Variants in CSMD1 observed in about 807,000 individuals in gnomAD.
CSMD1 encodes the protein CUB and sushi domain-containing protein 1.
CSMD1 carries 213 observed loss-of-function variants against 417.5 expected under a neutral mutation model. The observed-to-expected ratio is 0.51, with a 90% CI of 0.46 to 0.57. The LOEUF (loss-of-function observed/expected upper bound fraction) is 0.57. Among genes scored for constraint, CSMD1 ranks in the 20% least tolerant of loss-of-function variants. The probability of loss-of-function intolerance (pLI) is 0.00; values close to 1 mark genes in which losing one functional copy is unlikely to be tolerated. For synonymous variants in CSMD1, 2,862 were observed against 1,736.8 expected, an observed-to-expected ratio of 1.65 and a Z score of -16.11; for missense variants, 6,923 against 4,529.7, an observed-to-expected ratio of 1.53 and a Z score of -15.17.
intron 3 of CSMD1, among the ~76,000 whole-genome samples, chr8:4,417,371 T>C (rs1371476668): frequency 1.3e-5 from 2 of 152,030 alleles, no homozygotes; most frequent in African/African-American, 4.8e-5. Flanking sequence ...TTGAGTTTGG[T>C]GTCCGGATTA....
At chr8:3,897,246 G>C (rs1159770817) in intron 5 of CSMD1, among the ~76,000 whole-genome samples, 2 of 152,168 alleles carry the variant, frequency 1.3e-5, no homozygotes, top group African/African-American at 2.4e-5. Flanking sequence ...CCTTTCTACA[G>C]AGACAACGGT....
At chr8:4,280,297 T>C (rs1396857174) in intron 3 of CSMD1, among the ~76,000 whole-genome samples, 1 of 152,206 alleles carries the variant, frequency 6.6e-6, no homozygotes, top group African/African-American at 2.4e-5. Context: ...ATGTAGTATA[T>C]AATAAGCTTT....
intron 16 of CSMD1, among the ~76,000 whole-genome samples, chr8:3,398,993 GC>G (rs1811871560): frequency 6.6e-6 from 1 of 152,152 alleles, no homozygotes; most frequent in Admixed American, 6.5e-5. Context: ...GTGACCAGCA[GC>G]CACCACCAGA....
At chr8:3,474,459 C>G (rs1278973327) in intron 11 of CSMD1, among the ~76,000 whole-genome samples, 1 of 152,112 alleles carries the variant, frequency 6.6e-6, no homozygotes, top group Non-Finnish European at 1.5e-5. Context: ...CTATGAATGT[C>G]ACTCATCCAT....
chr8:4,138,754 T>C (rs1335404475), intron 3 of CSMD1, among the ~76,000 whole-genome samples: 4 of 152,206 alleles, frequency 2.6e-5, no homozygotes, highest in Non-Finnish European at 4.4e-5. Flanking sequence ...CTAAACCAAC[T>C]AGTTATCTTT....
chr8:4,140,653 G>A (rs1286778595), intron 3 of CSMD1, among the ~76,000 whole-genome samples: 4 of 150,890 alleles, frequency 2.7e-5, no homozygotes, highest in African/African-American at 9.9e-5. Context: ...GGGCAACAGA[G>A]CAAGACCCTG....
At chr8:4,333,158 C>T (rs1223915924) in intron 3 of CSMD1, among the ~76,000 whole-genome samples, 1 of 152,026 alleles carries the variant, frequency 6.6e-6, no homozygotes, top group African/African-American at 2.4e-5. Flanking sequence ...CATAAGAATT[C>T]CTCAAAAAAT....
intron 2 of CSMD1, among the ~76,000 whole-genome samples, chr8:4,498,517 A>G (rs1802090009): frequency 6.6e-6 from 1 of 152,222 alleles, no homozygotes. Flanking sequence ...ACTAAATTAA[A>G]TTGAATTTTA....
chr8:2,945,171 C>T lies in CSMD1; in HGVS notation c.10403-2567G>A, dbSNP rs368705940. ...ATTAAAATAATCATTCCTTGCCCTA[C>T]AAGGTAGTTCCTCTTTATAGTTGAG... On this transcript the variant is annotated intron_variant, in intron 68 of 69. Transcript: ENST00000635120. Among the ~76,000 whole-genome samples, 6 of 152,316 alleles carry T rather than the reference C, an allele frequency of 3.9e-5. No individual in the cohort carries two copies. In the East Asian group the frequency reaches 1.2e-3, roughly 29 times the overall value.
intron 1 of CSMD1, among the ~76,000 whole-genome samples, chr8:4,644,909 G>C (rs1180956723): frequency 1.3e-5 from 2 of 152,204 alleles, no homozygotes; most frequent in African/African-American, 4.8e-5. Flanking sequence ...GTGAGTTTGA[G>C]TGCATGTGTG....
At chr8:4,144,547 T>C (rs538178069) in intron 3 of CSMD1, among the ~76,000 whole-genome samples, 1 of 151,126 alleles carries the variant, frequency 6.6e-6, no homozygotes, top group East Asian at 1.9e-4. Flanking sequence ...AGAATCTGGT[T>C]AGAGTCTCCT....
rs77300505 is a variant in CSMD1, at chr8:3,356,106, T to C, written c.3304+3046A>G. 9.0e-3 allele frequency among the ~76,000 whole-genome samples: 1,374 copies of C among 152,302 alleles called. 22 individuals carry two copies. The highest frequency in any genetic ancestry group is 0.032 in the African/African-American group (1,313 of 41,564). On this transcript the variant is annotated intron_variant, in intron 21 of 69. Coordinates refer to ENST00000635120, the MANE Select transcript of CSMD1 (RefSeq NM_033225.6). ...AAATTCCATTTAAGTCAGACACTTA[T>C]TAGGGAGGTTAAAACGGCACACTTT...
At chr8:3,534,544 T>C (rs1798113002) in intron 10 of CSMD1, among the ~76,000 whole-genome samples, 1 of 151,864 alleles carries the variant, frequency 6.6e-6, no homozygotes, top group Non-Finnish European at 1.5e-5. Context: ...AAGAAAAACT[T>C]TTCAAAAATT....
chr8:3,462,065 G>T (rs751010017), intron 12 of CSMD1, among the ~76,000 whole-genome samples: 3 of 152,074 alleles, frequency 2.0e-5, no homozygotes, highest in African/African-American at 7.2e-5. Context: ...ACCAGTGCTA[G>T]TGCTGGGCTG....
chr8:4,357,632 C>G (rs991303462), intron 3 of CSMD1, among the ~76,000 whole-genome samples: 1 of 152,100 alleles, frequency 6.6e-6, no homozygotes. Context: ...TAAATAAATA[C>G]AATATCTACA....
At chr8:3,081,234 G>C (rs560517181) in intron 49 of CSMD1, among the ~76,000 whole-genome samples, 29 of 152,072 alleles carry the variant, frequency 1.9e-4, no homozygotes, top group Non-Finnish European at 3.8e-4. Flanking sequence ...GTAACTATTT[G>C]AATATATTCT....
intron 25 of CSMD1, among the ~76,000 whole-genome samples, chr8:3,288,222 T>C (rs1803297394): frequency 6.8e-6 from 1 of 147,328 alleles, no homozygotes; most frequent in Non-Finnish European, 1.5e-5. Flanking sequence ...TTATTGAGGA[T>C]TTTTGCATCG....
At chr8:4,340,168 C>T (rs930110652) in intron 3 of CSMD1, among the ~76,000 whole-genome samples, 1 of 152,094 alleles carries the variant, frequency 6.6e-6, no homozygotes, top group Non-Finnish European at 1.5e-5. Context: ...TTTCTTGATA[C>T]CTTTTTTTTC....
intron 3 of CSMD1, among the ~76,000 whole-genome samples, chr8:4,037,236 T>C (rs768009747): frequency 3.3e-5 from 5 of 152,234 alleles, no homozygotes; most frequent in Non-Finnish European, 7.3e-5. Context: ...ACAAGTAATA[T>C]GACATAGGAA....
Sources: gnomAD v4.1 joint callset for allele counts (sites outside exome capture counted in the v4.1 genomes callset) on GRCh38, gnomAD v4.1.1 for gene constraint, MANE v1.5 for transcripts, NCBI Gene and HGNC (gene_info 2026-07-23, HGNC 2026-07-21) for gene names.